RBFOX1: variants seen among roughly 807,000 people sequenced by gnomAD.
RBFOX1 encodes the protein RNA binding fox-1 homolog 1.
Under a neutral mutation model 57.7 loss-of-function variants are expected in RBFOX1, and 8 were observed. The observed-to-expected ratio is 0.14, with a 90% CI of 0.08 to 0.25. The LOEUF is 0.25. Ranked by LOEUF, RBFOX1 falls within the 10% of genes least tolerant of loss-of-function variation. RBFOX1 has a pLI of 1.00. For missense variants in RBFOX1, 611 were observed against 548.5 expected, an observed-to-expected ratio of 1.11 and a Z score of -1.14; for synonymous variants, 326 against 222.4, an observed-to-expected ratio of 1.47 and a Z score of -4.15.
intron 4 of RBFOX1, among the ~76,000 whole-genome samples, chr16:5,969,663 TTAGG>T (rs2059924793): frequency 6.6e-6 from 1 of 151,978 alleles, no homozygotes; most frequent in Admixed American, 6.6e-5. Context: ...TCATAAAATC[TTAGG>T]TAGCTTATCT....
At chr16:6,478,681 G>A (rs1049518259) in intron 2 of RBFOX1, among the ~76,000 whole-genome samples, 4 of 151,606 alleles carry the variant, frequency 2.6e-5, no homozygotes, top group African/African-American at 9.7e-5. Context: ...TTATTTATTG[G>A]TCTAATTTCA....
intron 5 of RBFOX1, among the ~76,000 whole-genome samples, chr16:7,532,951 T>C (rs902084481): frequency 2.0e-5 from 3 of 152,244 alleles, no homozygotes; most frequent in African/African-American, 7.2e-5. Context: ...TTTATTGGAC[T>C]CACATTAATT....
intron 4 of RBFOX1, among the ~76,000 whole-genome samples, chr16:7,111,950 A>G (rs1371323049): frequency 1.3e-5 from 2 of 152,106 alleles, no homozygotes; most frequent in Non-Finnish European, 2.9e-5. Flanking sequence ...CTGACTTGTC[A>G]CCCTGAATTA....
intron 14 of RBFOX1, among the ~76,000 whole-genome samples, chr16:7,694,905 C>G (rs1207344900): frequency 6.6e-6 from 1 of 152,182 alleles, no homozygotes; most frequent in South Asian, 2.1e-4. Context: ...CTGTTAACCC[C>G]TGTGCATGTT....
At chr16:7,185,202 TC>T (rs2083476454) in intron 4 of RBFOX1, among the ~76,000 whole-genome samples, 2 of 152,190 alleles carry the variant, frequency 1.3e-5, no homozygotes, top group African/African-American at 4.8e-5. Flanking sequence ...TACCTCTCTC[TC>T]TCTCTCTGCA....
At chr16:6,403,383 TA>T (rs1440108635) in intron 2 of RBFOX1, among the ~76,000 whole-genome samples, 1 of 152,090 alleles carries the variant, frequency 6.6e-6, no homozygotes, top group African/African-American at 2.4e-5. Flanking sequence ...TTTTTTTAAA[TA>T]GAGGATTCTA....
At chr16:7,004,655 G>C (rs930288133) in intron 3 of RBFOX1, among the ~76,000 whole-genome samples, 1 of 152,160 alleles carries the variant, frequency 6.6e-6, no homozygotes, top group African/African-American at 2.4e-5. Context: ...TCCATTGTCT[G>C]GGCATTTTTT....
chr16:6,061,696 T>A (rs2095688253), intron 1 of RBFOX1, among the ~76,000 whole-genome samples: 2 of 152,158 alleles, frequency 1.3e-5, no homozygotes, highest in Admixed American at 1.3e-4. Context: ...AGATTTAAGA[T>A]ATACTATCAT....
At chr16:6,899,734 T>G (rs906542500) in intron 3 of RBFOX1, among the ~76,000 whole-genome samples, 1 of 152,254 alleles carries the variant, frequency 6.6e-6, no homozygotes, top group African/African-American at 2.4e-5. Context: ...TGGTTTCATC[T>G]TGTGCTGTCC....
intron 2 of RBFOX1, among the ~76,000 whole-genome samples, chr16:6,469,327 A>C (rs991148441): frequency 2.0e-5 from 3 of 152,180 alleles, no homozygotes; most frequent in African/African-American, 7.2e-5. Flanking sequence ...TATGGGATTC[A>C]AATGATCCCA....
chr16:5,846,044 G>A (rs1027733781), intron 3 of RBFOX1, among the ~76,000 whole-genome samples: 2 of 152,036 alleles, frequency 1.3e-5, no homozygotes, highest in African/African-American at 4.8e-5. Context: ...ATGGAGGTGG[G>A]TGCCTGTAAT....
intron 4 of RBFOX1, among the ~76,000 whole-genome samples, chr16:7,507,546 A>AT (rs1212540548): frequency 2.3e-4 from 25 of 109,708 alleles, no homozygotes; most frequent in South Asian, 1.3e-3. Context: ...TTGGAACGTG[A>AT]TTTTTTTTTT....
At chr16:7,414,353 G>C (rs2098458940) in intron 4 of RBFOX1, among the ~76,000 whole-genome samples, 1 of 152,170 alleles carries the variant, frequency 6.6e-6, no homozygotes, top group South Asian at 2.1e-4. Context: ...AAGGTAAGAA[G>C]ATAGATTGGT....
At chr16:7,434,736 ATT>A (rs71147698) in intron 4 of RBFOX1, among the ~76,000 whole-genome samples, 40,169 of 147,936 alleles carry the variant, frequency 0.27, 6,042 homozygotes, top group Non-Finnish European at 0.35. Flanking sequence ...TCTTGTTAAC[ATT>A]TTTTTTTTTT....
chr16:7,223,661 A>G (rs2092896602), intron 4 of RBFOX1, among the ~76,000 whole-genome samples: 1 of 151,792 alleles, frequency 6.6e-6, no homozygotes, highest in Admixed American at 6.6e-5. Flanking sequence ...TATGTTTCAG[A>G]ACTAAAGAAA....
intron 4 of RBFOX1, among the ~76,000 whole-genome samples, chr16:7,448,993 G>A (rs982575158): frequency 3.6e-5 from 5 of 138,910 alleles, no homozygotes; most frequent in African/African-American, 8.2e-5. Context: ...GCAATGGCGC[G>A]ATATCGGCTC....
At chr16:7,098,992 C>G (rs1303164132) in intron 4 of RBFOX1, among the ~76,000 whole-genome samples, 2 of 152,088 alleles carry the variant, frequency 1.3e-5, no homozygotes, top group Non-Finnish European at 2.9e-5. Flanking sequence ...TGATTGATGG[C>G]TGCCTCTTTT....
chr16:5,530,191 T>G (rs979315834), intron 2 of RBFOX1, among the ~76,000 whole-genome samples: 4 of 152,212 alleles, frequency 2.6e-5, no homozygotes, highest in Non-Finnish European at 5.9e-5. Flanking sequence ...TGAAAGAACC[T>G]TATTCCCAGC....
At chr16:5,403,367 A>AG (rs1491326101) in intron 1 of RBFOX1, among the ~76,000 whole-genome samples, 4 of 145,084 alleles carry the variant, frequency 2.8e-5, no homozygotes, top group Non-Finnish European at 4.6e-5. Context: ...AAAAAAAAAA[A>AG]CAAAAAACAA....
Sources: gnomAD v4.1 joint callset for allele counts (sites outside exome capture counted in the v4.1 genomes callset) on GRCh38, gnomAD v4.1.1 for gene constraint, MANE v1.5 for transcripts, NCBI Gene and HGNC (gene_info 2026-07-23, HGNC 2026-07-21) for gene names.